TRO: variants seen among roughly 807,000 people sequenced by gnomAD.
TRO encodes trophinin.
A neutral mutation model predicts 42.3 loss-of-function variants in TRO; 29 were observed. The ratio of observed to expected loss-of-function variants is 0.68; its 90% CI spans 0.51 to 0.93. The LOEUF is 0.93. Ranked by LOEUF, TRO falls within the 40% of genes least tolerant of loss-of-function variation. The pLI, the probability that TRO is intolerant of heterozygous loss-of-function variation, is 0.00. For synonymous variants in TRO, 384 were observed against 425.2 expected (o/e 0.90, Z 1.19); for missense variants, 963 against 1,127.7 (o/e 0.85, Z 2.09).
rs927094123 is a variant in TRO, at chrX:54,931,256, A to G, written c.*64A>G. ...CTAATAAATTGCAGTAGTCCTTCCC[A>G]TGGAGCCAAAGTACATCCTTGGAAT... is the stretch of plus-strand genomic sequence containing the variant. On this transcript the variant is annotated 3_prime_UTR_variant, in exon 13 of 13. Coordinates refer to ENST00000173898, the MANE Select transcript of TRO (RefSeq NM_001039705.3). 13 of 1,212,009 alleles carry G rather than the reference A, an allele frequency of 1.1e-5. No homozygotes were observed. Among genetic ancestry groups the G allele is most frequent in the Admixed American group, 2.2e-5 (1 of 46,075 alleles).
In TRO at chrX:54,930,038, C is replaced by A; in HGVS notation, c.3314C>A (p.Thr1105Asn). 8.3e-7 allele frequency: 1 copy of A among 1,212,107 alleles called. No homozygotes were observed. The highest frequency in any genetic ancestry group is 1.1e-6 in the Non-Finnish European group (1 of 895,625). The change falls in exon 12 of 13, where the codon ACC (threonine) becomes AAC (asparagine). Residue 1105 changes from threonine to asparagine, a missense_variant. Physicochemically the swap from Thr to Asn is moderately conservative, Grantham distance 65. Transcript: ENST00000173898. ...TNPGFGGAFS[T>N]SAGFGGALST... is the part of the protein sequence containing the mutation. The stretch of plus-strand genomic sequence containing the variant: ...CCTGGCTTTGGCGGTGCATTTAGCA[C>A]CAGTGCTGGCTTCGGTGGGGCACTT...
chrX:54,925,783 G>C, intron 7 of TRO, 100 bp downstream of exon 7: 2 of 706,944 alleles, frequency 2.8e-6, no homozygotes, highest in South Asian at 5.5e-5. Flanking sequence ...AGAGAGTCAG[G>C]AAAAACAGGG....
Position 54,928,979 on chromosome X carries a change from G to A in TRO, c.2255G>A (p.Ser752Asn), listed in dbSNP as rs369766824. 11 of 1,211,267 alleles carry A rather than the reference G, an allele frequency of 9.1e-6. No homozygotes were observed. The highest frequency in any genetic ancestry group is 8.9e-6 in the Non-Finnish European group (8 of 895,545). Residue 752 changes from serine to asparagine, a missense_variant, in exon 12 of 13, where the codon AGT becomes AAT. Coordinates refer to ENST00000173898, the MANE Select transcript of TRO (RefSeq NM_001039705.3). Reference sequence around the variant, plus strand: ...GCACCCAGCTCCAGTGGTGGCTTCAGTGGTGGACCTGGCATTACCTTTGGT... The same window carrying A: ...GCACCCAGCTCCAGTGGTGGCTTCAATGGTGGACCTGGCATTACCTTTGGT... The part of the protein sequence containing the change: ...NGAPSSSGGF[S>N]GGPGITFGVA...
At chrX:54,925,310 A>G (rs1368886673) in intron 6 of TRO, among the ~76,000 whole-genome samples, 1 of 111,602 alleles carries the variant, frequency 9.0e-6, no homozygotes, top group Admixed American at 9.5e-5. Flanking sequence ...TCATAGTTGG[A>G]CATATTCTGC....
chrX:54,927,156 G>GA (rs1249149334), intron 10 of TRO, 51 bp downstream of exon 10: 1 of 1,172,306 alleles, frequency 8.5e-7, no homozygotes, highest in Non-Finnish European at 1.2e-6. Flanking sequence ...TGGGTATACT[G>GA]ATCTGGTTCA....
Position 54,930,606 on chromosome X carries a change from C to T in TRO, c.3882C>T (p.Gly1294=). The T allele has an allele frequency of 3.3e-6, 4 of 1,210,961 alleles. No individual in the cohort carries two copies. Among genetic ancestry groups the T allele is most frequent in the South Asian group, 1.8e-5 (1 of 56,835 alleles). The change falls in exon 12 of 13, where the codon GGC becomes GGT. Residue 1294 remains glycine, a synonymous_variant. Coordinates refer to ENST00000173898, the MANE Select transcript of TRO (RefSeq NM_001039705.3). ...VTSDGFGGGL[G]TNASFGSTLG... ...GTGATGGCTTTGGTGGTGGACTGGG[C>T]ACCAATGCTAGTTTCGGCAGCACAC...
chrX:54,923,814 A>T, intron 3 of TRO, 46 bp downstream of exon 3: 1 of 1,104,688 alleles, frequency 9.1e-7, no homozygotes, highest in Non-Finnish European at 1.2e-6. Context: ...CTTCTTTTCC[A>T]TTTCTACCCT....
intron 2 of TRO, 111 bp from the exon 3 acceptor site, chrX:54,922,467 C>G (rs888540274): frequency 1.3e-5 from 12 of 927,869 alleles, no homozygotes; most frequent in Middle Eastern, 2.9e-4. Flanking sequence ...CTTCCTTGCT[C>G]CCTACCCCAT....
At chrX:54,922,536 C>T (rs781474707) in intron 2 of TRO, 42 bp from the exon 3 acceptor site, 26 of 1,142,929 alleles carry the variant, frequency 2.3e-5, no homozygotes, top group South Asian at 1.4e-4. Flanking sequence ...TGGGCTTTAG[C>T]GAGGCCAAAT....
At chrX:54,925,527 C>T in intron 6 of TRO, 65 bp from the exon 7 acceptor site, 4 of 1,011,882 alleles carry the variant, frequency 4.0e-6, no homozygotes, top group South Asian at 2.1e-5. Context: ...TTTAGGATGC[C>T]CGGAAAGTTC....
Position 54,923,530 on chromosome X carries a change from C to G in TRO, c.998C>G (p.Ala333Gly). Residue 333 changes from alanine (A) to glycine (G), a missense_variant, in exon 3 of 13, where the codon GCC (alanine) becomes GGC (glycine). By Grantham distance (60) the Ala-to-Gly change is moderately conservative. Coordinates refer to ENST00000173898, the MANE Select transcript of TRO (RefSeq NM_001039705.3). ...TQIVTNQALA[A>G]TLRVKRGSRA... is the part of the protein sequence containing the mutation. ...ATAGTCACAAACCAAGCCCTGGCAG[C>G]CACCCTGCGGGTCAAGAGAGGGTCT... 4 of 1,187,895 alleles carry G rather than the reference C, an allele frequency of 3.4e-6. No homozygotes were observed. Among genetic ancestry groups the G allele is most frequent in the East Asian group, 3.1e-5 (1 of 32,772 alleles).
In TRO at chrX:54,928,932, T is replaced by C; in HGVS notation, c.2208T>C (p.Gly736=). The change falls in exon 12 of 13, where the codon GGT becomes GGC. Residue 736 remains glycine (G), a synonymous_variant. Coordinates refer to ENST00000173898, the MANE Select transcript of TRO (RefSeq NM_001039705.3). Reference sequence around the variant, plus strand: ...GTACCAGGGCTGGCTTCAGCGATGGTGCTAGTATTAGCTTCAATGGTGCAC... The same window carrying C: ...GTACCAGGGCTGGCTTCAGCGATGGCGCTAGTATTAGCTTCAATGGTGCAC... ...GASTRAGFSD[G]ASISFNGAPS... is the part of the protein sequence containing the mutation. The C allele has an allele frequency of 8.3e-7, 1 of 1,211,691 alleles. No homozygotes were observed.
In TRO at chrX:54,925,662, C is replaced by T. The variant is rs1311911480; in HGVS notation, c.1556C>T (p.Ser519Phe). 1 of 1,209,107 alleles carries T rather than the reference C, an allele frequency of 8.3e-7. No individual in the cohort carries two copies. The highest frequency in any genetic ancestry group is 1.8e-5 in the South Asian group (1 of 56,651). ...TATATTCTCATCAGCACTCAGGAATCCTCTGCAGGCATACTGGGAACGTAA... is the reference window on the plus strand; with the variant it reads ...TATATTCTCATCAGCACTCAGGAATTCTCTGCAGGCATACTGGGAACGTAA... ...SLYILISTQE[S>F]SAGILGTTKD... The change falls in exon 7 of 13, where the codon TCC becomes TTC. Residue 519 changes from serine to phenylalanine, a missense_variant. Physicochemically the swap from Ser to Phe is radical, Grantham distance 155. Transcript: ENST00000173898.
chrX:54,929,081 G>A lies in TRO; in HGVS notation c.2357G>A (p.Ser786Asn). 8.2e-7 allele frequency: 1 copy of A among 1,212,487 alleles called. No homozygotes were observed. The highest frequency in any genetic ancestry group is 1.1e-6 in the Non-Finnish European group (1 of 895,700). The change falls in exon 12 of 13, where the codon AGC becomes AAC. Residue 786 changes from serine (S) to asparagine (N), a missense_variant. Transcript: ENST00000173898. ...SFGGTLSTSSSFSSAASISFG... is the reference protein window; with the variant it reads ...SFGGTLSTSSNFSSAASISFG... The stretch of plus-strand genomic sequence containing the variant: ...GGTGGTACACTGAGCACTAGCTCCA[G>A]CTTCAGCAGCGCAGCCAGCATTAGC...
intron 11 of TRO, among the ~76,000 whole-genome samples, chrX:54,928,332 G>A (rs773458161): frequency 7.2e-5 from 8 of 111,812 alleles, no homozygotes; most frequent in East Asian, 5.6e-4. Context: ...ATTTGGGGGC[G>A]GGCACAACCC....
rs1196350433 is a variant in TRO, at chrX:54,923,277, G to C, written c.745G>C (p.Ala249Pro). ...TNETASIHTT[A>P]ASIRTKKASK... is the part of the protein sequence containing the mutation. ...TGAGACAGCCAGTATCCACACCACA[G>C]CAGCCTCCATCCGAACCAAGAAAGC... Residue 249 changes from alanine to proline, a missense_variant, in exon 3 of 13, where the codon GCA becomes CCA. Ala to Pro is a conservative substitution (Grantham distance 27, BLOSUM62 -1). Around this residue, in one of 2 missense-constraint regions of TRO, gnomAD observed 322 missense variants for 316.5 expected, o/e 1.02. Coordinates refer to ENST00000173898, the MANE Select transcript of TRO (RefSeq NM_001039705.3). The C allele has an allele frequency of 9.9e-6, 12 of 1,211,591 alleles. No individual in the cohort carries two copies. The highest frequency in any genetic ancestry group is 1.2e-5 in the Non-Finnish European group (11 of 895,452).
intron 2 of TRO, 22 bp from the exon 3 acceptor site, chrX:54,922,556 G>A (rs1932215885): frequency 8.5e-7 from 1 of 1,182,975 alleles, no homozygotes; most frequent in Non-Finnish European, 1.1e-6. Context: ...TGGCCCAGAG[G>A]ATGGTAATCC....
rs1257678305 is a variant in TRO at position 54,931,264 on chromosome X, A to C, written c.*72A>C. ...TTGCAGTAGTCCTTCCCATGGAGCC[A>C]AAGTACATCCTTGGAATCTTTGTCC... On this transcript the variant is annotated 3_prime_UTR_variant, in exon 13 of 13. Coordinates refer to ENST00000173898, the MANE Select transcript of TRO (RefSeq NM_001039705.3). The C allele has an allele frequency of 8.2e-7, 1 of 1,212,230 alleles. No homozygotes were observed.
intron 11 of TRO, among the ~76,000 whole-genome samples, 182 bp from the exon 12 acceptor site, chrX:54,928,421 G>T (rs760700238): frequency 8.9e-6 from 1 of 112,230 alleles, no homozygotes; most frequent in South Asian, 3.7e-4. Flanking sequence ...TAAGTAACTT[G>T]TCCAAGGTCA....
Sources: gnomAD v4.1 joint callset for allele counts (sites outside exome capture counted in the v4.1 genomes callset) on GRCh38, gnomAD v4.1.1 for gene constraint, gnomAD v4.1.1 regional missense constraint, MANE v1.5 for transcripts, NCBI Gene and HGNC (gene_info 2026-07-23, HGNC 2026-07-21) for gene names.